The following CDH26 variants were observed in gnomAD, a reference collection of about 807,000 sequenced individuals.
CDH26 encodes the protein cadherin-like protein 26.
CDH26 carries 83 observed loss-of-function variants against 90.3 expected under a neutral mutation model. That is an observed-to-expected ratio of 0.92 (90% confidence interval 0.77 to 1.10). CDH26 has a LOEUF of 1.10. Among genes scored for constraint, CDH26 ranks in the 50% least tolerant of loss-of-function variants. The pLI is 0.00. For synonymous variants in CDH26, 397 were observed against 396.3 expected (o/e 1.00, Z -0.02); for missense variants, 1,013 against 1,037.6 (o/e 0.98, Z 0.33).
Position 59,995,892 on chromosome 20 carries a change from C to G in CDH26, c.1726C>G (p.Leu576Val), listed in dbSNP as rs1172645210. 6.2e-7 allele frequency: 1 copy of G among 1,614,246 alleles called. No homozygotes were observed. Among genetic ancestry groups the G allele is most frequent in the Non-Finnish European group, 8.5e-7 (1 of 1,180,048 alleles). The change falls in exon 12 of 18, where the codon CTC becomes GTC. Residue 576 changes from leucine (L) to valine (V), a missense_variant. Coordinates refer to ENST00000348616, the MANE Select transcript of CDH26 (RefSeq NM_177980.4). ...GCCACGTGGTAATTACTTGGTGCCA[C>G]TCTTCATTGGAGACAAACAGGGACT... is the stretch of plus-strand genomic sequence containing the variant. ...SLPRGNYLVP[L>V]FIGDKQGLSQ...
At chr20:60,008,034 C>T (rs994898286) in intron 17 of CDH26, among the ~76,000 whole-genome samples, 2 of 152,150 alleles carry the variant, frequency 1.3e-5, no homozygotes, top group African/African-American at 4.8e-5. Context: ...AGTCCACATG[C>T]TCGTGTCATG....
downstream of CDH26, among the ~76,000 whole-genome samples, chr20:60,016,051 G>A (rs543888111): frequency 6.6e-6 from 1 of 152,308 alleles, no homozygotes; most frequent in East Asian, 1.9e-4. Flanking sequence ...AAGTCTGATA[G>A]TGTGATCCTT....
chr20:60,001,569 C>G, intron 15 of CDH26, 158 bp downstream of exon 15: 1 of 985,450 alleles, frequency 1.0e-6, no homozygotes, highest in Non-Finnish European at 1.2e-6. Context: ...CCACCCGACT[C>G]TATTTCCATC....
chr20:60,011,928 A>G (rs958546190), intron 17 of CDH26, among the ~76,000 whole-genome samples: 2 of 152,114 alleles, frequency 1.3e-5, no homozygotes, highest in Admixed American at 1.3e-4. Flanking sequence ...GGACATCACC[A>G]TTGGTTAGGG....
At chr20:60,034,406 C>G (rs1387505066), downstream of CDH26, among the ~76,000 whole-genome samples, 1 of 152,198 alleles carries the variant, frequency 6.6e-6, no homozygotes, top group African/African-American at 2.4e-5. Flanking sequence ...TCTAAATTAG[C>G]CTTGGGAACA....
chr20:60,029,974 A>G (rs1453172198), intron 7 of CDH26, among the ~76,000 whole-genome samples: 6 of 152,164 alleles, frequency 3.9e-5, no homozygotes, highest in African/African-American at 1.4e-4. Context: ...AAAGGAACAC[A>G]TGGTCACTGA....
In CDH26 at chr20:59,995,964, G is replaced by A. The variant is rs2061590443; in HGVS notation, c.1798G>A (p.Gly600Arg). ...TGTAAGGATCTGCCCCTGTGCCAGTGGGCTCACATGTGTGGAGCTTGCAGA... is the reference window on the plus strand; with the variant it reads ...TGTAAGGATCTGCCCCTGTGCCAGTAGGCTCACATGTGTGGAGCTTGCAGA... ...VHVRICPCAS[G>R]LTCVELADAE... is the part of the protein sequence containing the mutation. The change falls in exon 12 of 18, where the codon GGG becomes AGG. Residue 600 changes from glycine (G) to arginine (R), a missense_variant. Coordinates refer to ENST00000348616, the MANE Select transcript of CDH26 (RefSeq NM_177980.4). 1.2e-6 allele frequency: 2 copies of A among 1,614,204 alleles called. No homozygotes were observed. The highest frequency in any genetic ancestry group is 1.7e-6 in the Non-Finnish European group (2 of 1,180,030).
intron 13 of CDH26, 136 bp from the exon 14 acceptor site, chr20:59,999,450 T>G: frequency 3.1e-6 from 2 of 636,450 alleles, no homozygotes; most frequent in Non-Finnish European, 5.3e-6. Flanking sequence ...GAGGTGTATT[T>G]TTTACAGTCT....
intron 10 of CDH26, among the ~76,000 whole-genome samples, chr20:59,994,004 C>A (rs767263141): frequency 1.3e-5 from 2 of 152,134 alleles, no homozygotes; most frequent in Non-Finnish European, 2.9e-5. Context: ...TTTAATGAAG[C>A]CACATTCTAC....
chr20:60,025,285 G>A (rs1039524082), intron 7 of CDH26, among the ~76,000 whole-genome samples: 6 of 152,204 alleles, frequency 3.9e-5, no homozygotes, highest in African/African-American at 1.4e-4. Flanking sequence ...TGATTGCCTC[G>A]ATGAGTTAAA....
chr20:60,021,897 C>CATATAT lies in CDH26; in HGVS notation c.948-9319_948-9314dup, dbSNP rs71228705. Among the ~76,000 whole-genome samples the CATATAT allele has an allele frequency of 5.7e-3, 448 of 78,978 alleles. 46 individuals carry two copies. The highest frequency in any genetic ancestry group is 0.014 in the South Asian group (32 of 2,270). The allele number at this position is 78,978 out of a possible 152,430, so 51.8% of individuals were successfully genotyped here. A position where few individuals can be genotyped will look rare whatever the true frequency, so the allele number is the denominator to read the frequency against. On this transcript the variant is annotated intron_variant, in intron 7 of 8. Transcript: ENST00000370991. ...ACACACACACACACACACACACACA[C>CATATAT]ATATATATATATATATATATCCTGA...
At chr20:59,970,014 G>C (rs1184722144) in intron 2 of CDH26, 68 bp from the exon 3 acceptor site, 1 of 1,569,414 alleles carries the variant, frequency 6.4e-7, no homozygotes, top group Non-Finnish European at 8.6e-7. Flanking sequence ...TGAAGTAAGG[G>C]TGTGATAAAT....
chr20:60,006,775 G>C lies in CDH26; in HGVS notation c.2283G>C (p.Glu761Asp). ...CTCCGGTGGAAGGAAGGATGGCAGA[G>C]ACATTGAATCAGGTAGGGAGAGCTC... is the stretch of plus-strand genomic sequence containing the variant. ...LLAPVEGRMA[E>D]TLNQKLHVAN... The change falls in exon 17 of 18, where the codon GAG becomes GAC. Residue 761 changes from glutamate (E) to aspartate (D), a missense_variant. By Grantham distance (45) the Glu-to-Asp change is conservative. Coordinates refer to ENST00000348616, the MANE Select transcript of CDH26 (RefSeq NM_177980.4). The C allele has an allele frequency of 6.2e-7, 1 of 1,613,908 alleles. No individual in the cohort carries two copies. Among genetic ancestry groups the C allele is most frequent in the Non-Finnish European group, 8.5e-7 (1 of 1,179,774 alleles).
downstream of CDH26, among the ~76,000 whole-genome samples, chr20:60,017,880 G>GC (rs1364055211): frequency 6.6e-6 from 1 of 152,000 alleles, no homozygotes; most frequent in African/African-American, 2.4e-5. Flanking sequence ...GTCATCAGGA[G>GC]CATGTAGCTT....
At chr20:59,964,055 A>G (rs1187435036) in intron 1 of CDH26, among the ~76,000 whole-genome samples, 4 of 152,216 alleles carry the variant, frequency 2.6e-5, no homozygotes, top group Non-Finnish European at 5.9e-5. Context: ...CAAAGACATA[A>G]ACCTGCAGAA....
At chr20:60,021,903 T>C (rs879601560) in intron 7 of CDH26, among the ~76,000 whole-genome samples, 2,062 of 31,704 alleles carry the variant, frequency 0.065, 280 homozygotes, top group Non-Finnish European at 0.1. Context: ...CACACATATA[T>C]ATATATATAT....
Position 60,001,401 on chromosome 20 carries a change from TG to T in CDH26, c.2160del (p.Ser721AlafsTer13). ...CAGTCAGCCCAAGCACGCTGTGCTC[TG>T]GGGAGCTGGGTGAGTTCCAGAAGGT... ...ASQSAQARCA[L>X]GSWGYGKPFE... On this transcript the variant is annotated frameshift_variant, in exon 15 of 18. Coordinates refer to ENST00000348616, the MANE Select transcript of CDH26 (RefSeq NM_177980.4). LOFTEE classifies it high-confidence loss of function. The T allele has an allele frequency of 6.2e-7, 1 of 1,613,976 alleles. No individual in the cohort carries two copies.
chr20:60,005,701 CT>C (rs1702077858), intron 16 of CDH26, among the ~76,000 whole-genome samples: 1 of 152,206 alleles, frequency 6.6e-6, no homozygotes. Flanking sequence ...TTCCTGTTGG[CT>C]TGCCATTGCA....
At chr20:59,959,813 GC>G (rs916534608) in intron 1 of CDH26, among the ~76,000 whole-genome samples, 1 of 152,190 alleles carries the variant, frequency 6.6e-6, no homozygotes, top group Non-Finnish European at 1.5e-5. Context: ...TAAATCCATT[GC>G]CCCCAACTGC....
Sources: gnomAD v4.1 joint callset for allele counts (sites outside exome capture counted in the v4.1 genomes callset) on GRCh38, gnomAD v4.1.1 for gene constraint, MANE v1.5 for transcripts, NCBI Gene and HGNC (gene_info 2026-07-23, HGNC 2026-07-21) for gene names.